Variants in CAMKK1 observed in about 807,000 individuals in gnomAD.
The protein encoded by CAMKK1 is calcium/calmodulin dependent protein kinase kinase 1, also known as calcium/calmodulin-dependent protein kinase kinase 1.
In CAMKK1, 20 loss-of-function variants were observed where a neutral mutation model predicts 63.5. That is an observed-to-expected ratio of 0.32 (90% confidence interval 0.22 to 0.46). The LOEUF (loss-of-function observed/expected upper bound fraction) is 0.46, where lower values mean the gene tolerates loss of function less well. Among genes scored for constraint, CAMKK1 ranks in the 20% least tolerant of loss-of-function variants. CAMKK1 has a pLI of 1.00. For synonymous variants in CAMKK1, 253 were observed against 269.0 expected (o/e 0.94, Z 0.58); for missense variants, 588 against 658.1 (o/e 0.89, Z 1.17).
chr17:3,877,053 C>G (rs2055198127), intron 9 of CAMKK1, among the ~76,000 whole-genome samples: 1 of 152,156 alleles, frequency 6.6e-6, no homozygotes, highest in African/African-American at 2.4e-5. Flanking sequence ...CCACCGCCCC[C>G]AGCTGGGAGC....
chr17:3,877,698 G>A (rs188924860), intron 9 of CAMKK1, among the ~76,000 whole-genome samples: 325 of 152,282 alleles, frequency 2.1e-3, no homozygotes, highest in Non-Finnish European at 2.6e-3. Flanking sequence ...TGCCTACTAT[G>A]TGCCAGGCAC....
intron 15 of CAMKK1, among the ~76,000 whole-genome samples, chr17:3,864,653 C>T (rs2054447193): frequency 6.6e-6 from 1 of 152,182 alleles, no homozygotes; most frequent in Non-Finnish European, 1.5e-5. Context: ...ACAATTCCAG[C>T]ATCAGGGGCC....
In CAMKK1 at chr17:3,892,233, G is replaced by C. The variant is rs2055928621; in HGVS notation, c.-44+706C>G. Among the ~76,000 whole-genome samples, 1 of 151,890 alleles carries C rather than the reference G, an allele frequency of 6.6e-6. No homozygotes were observed. The highest frequency in any genetic ancestry group is 6.6e-5 in the Admixed American group (1 of 15,262). On this transcript the variant is annotated intron_variant, in intron 1 of 15. Coordinates refer to ENST00000348335, the MANE Select transcript of CAMKK1 (RefSeq NM_032294.3). The surrounding 1 kb of genome is among the most constrained non-coding windows in gnomAD (Gnocchi z 7.5). ...CCTCCCCTGACAGGCACACGCCCGTGTCCGCGTGACCCGCCCTCACACACC... is the reference window on the plus strand; with the variant it reads ...CCTCCCCTGACAGGCACACGCCCGTCTCCGCGTGACCCGCCCTCACACACC...
In CAMKK1 at chr17:3,883,370, G is replaced by A; in HGVS notation, c.514+59C>T. The A allele has an allele frequency of 6.5e-7, 1 of 1,545,880 alleles. No individual in the cohort carries two copies. Among genetic ancestry groups the A allele is most frequent in the Non-Finnish European group, 8.9e-7 (1 of 1,118,310 alleles). On this transcript the variant is annotated intron_variant, in intron 5 of 15. Coordinates refer to ENST00000348335, the MANE Select transcript of CAMKK1 (RefSeq NM_032294.3). This position sits in a 1 kb window ranked among gnomAD's most constrained non-coding sequence, Gnocchi z 4.7. ...CTAGCCAAAACTAGCTCAGGATCGA[G>A]GTCTCCTCCTCTGCCTCCAGGCTAG... is the stretch of plus-strand genomic sequence containing the variant.
In CAMKK1 at chr17:3,876,204, C is replaced by T. The variant is rs756426484; in HGVS notation, c.996+19G>A. 2.5e-6 allele frequency: 4 copies of T among 1,610,698 alleles called. No homozygotes were observed. The highest frequency in any genetic ancestry group is 3.4e-6 in the Non-Finnish European group (4 of 1,177,996). ...GCCCCCCACTTGAACCCCAGCCTGGCCCAGGGCCTGCGAGTCACCTTCCCA... is the reference window on the plus strand; with the variant it reads ...GCCCCCCACTTGAACCCCAGCCTGGTCCAGGGCCTGCGAGTCACCTTCCCA... On this transcript the variant is annotated intron_variant, in intron 10 of 15. Coordinates refer to ENST00000348335, the MANE Select transcript of CAMKK1 (RefSeq NM_032294.3).
rs528075086 is a variant in CAMKK1 at position 3,889,849 on chromosome 17, C to T, written c.-44+3090G>A. Among the ~76,000 whole-genome samples the T allele has an allele frequency of 1.3e-5, 2 of 152,246 alleles. No homozygotes were observed. The highest frequency in any genetic ancestry group is 4.1e-4 in the South Asian group (2 of 4,836). On this transcript the variant is annotated intron_variant, in intron 1 of 15. Transcript: ENST00000348335. The surrounding 1 kb of genome is among the most constrained non-coding windows in gnomAD (Gnocchi z 5.2). ...CCACAGGACATGCCCCATCCAGCTGCATCCCTCAAAGGAGCCCCAGAGCAG... is the reference window on the plus strand; with the variant it reads ...CCACAGGACATGCCCCATCCAGCTGTATCCCTCAAAGGAGCCCCAGAGCAG...
chr17:3,871,409 C>T (rs551580338), intron 12 of CAMKK1, among the ~76,000 whole-genome samples: 1 of 125,926 alleles, frequency 7.9e-6, no homozygotes, highest in East Asian at 2.4e-4. Context: ...GGCTGGAGTG[C>T]AGTAGCACGG....
At chr17:3,881,531 C>G (rs931545261) in intron 8 of CAMKK1, 96 bp downstream of exon 8, 1 of 1,248,038 alleles carries the variant, frequency 8.0e-7, no homozygotes, top group African/African-American at 1.5e-5. Flanking sequence ...TCTGACTTCT[C>G]CTAGAGTAGC....
chr17:3,884,434 G>C lies in CAMKK1; in HGVS notation c.361-7C>G. On this transcript the variant is annotated splice_polypyrimidine_tract_variant and splice_region_variant and intron_variant, in intron 2 of 15. Transcript: ENST00000348335. The surrounding 1 kb of genome is among the most constrained non-coding windows in gnomAD (Gnocchi z 4.5). The stretch of plus-strand genomic sequence containing the variant: ...GGTTCAGCTGCACGCAGTCCTGTGG[G>C]GGAAGAGCGAGCACCAGGTGGAGCT... 1.2e-6 allele frequency: 2 copies of C among 1,612,734 alleles called. No homozygotes were observed. Among genetic ancestry groups the C allele is most frequent in the Non-Finnish European group, 1.7e-6 (2 of 1,179,300 alleles).
In CAMKK1 at chr17:3,876,303, G is replaced by C. The variant is rs371028799; in HGVS notation, c.916C>G (p.Gln306Glu). 2.5e-6 allele frequency: 4 copies of C among 1,614,122 alleles called. No homozygotes were observed. The African/African-American group carries it at 5.3e-5, about 22-fold the overall frequency. The change falls in exon 10 of 16, where the codon CAG becomes GAG. Residue 306 changes from glutamine (Q) to glutamate (E), a missense_variant. Physicochemically the swap from Gln to Glu is conservative, Grantham distance 29. This residue lies in a region of CAMKK1 where 357 missense variants were observed against 407.4 expected (regional missense o/e 0.88). Coordinates refer to ENST00000348335, the MANE Select transcript of CAMKK1 (RefSeq NM_032294.3). ...VSNQFEGNDAQLSSTAGTPAF... is the reference protein window; with the variant it reads ...VSNQFEGNDAELSSTAGTPAF... ...GGGGTTCCCGCCGTGCTGGACAGCT[G>C]AGCGTCGTTCCCCTCAAACTGGTTG...
intron 15 of CAMKK1, chr17:3,865,094 T>C (rs1466956605): frequency 6.1e-6 from 6 of 979,134 alleles, no homozygotes; most frequent in Non-Finnish European, 4.9e-6. Context: ...GACCACGCTG[T>C]GGTTCAGGAC....
rs557167245 is a variant in CAMKK1, at chr17:3,886,302, G to A, written c.-43-572C>T. On this transcript the variant is annotated intron_variant, in intron 1 of 15. Coordinates refer to ENST00000348335, the MANE Select transcript of CAMKK1 (RefSeq NM_032294.3). ...CCAGGAAGACTTCCCTGGGGCTCCC[G>A]ACTCCAGCCAGCCCTGCCTCATTGA... Among the ~76,000 whole-genome samples the A allele has an allele frequency of 6.6e-5, 10 of 152,212 alleles. No homozygotes were observed. The South Asian group carries it at 8.3e-4, about 13-fold the overall frequency.
rs1056746621 is a variant in CAMKK1 at position 3,882,674 on chromosome 17, C to A, written c.649-110G>T. 2 of 1,032,042 alleles carry A rather than the reference C, an allele frequency of 1.9e-6. No homozygotes were observed. The highest frequency in any genetic ancestry group is 4.2e-5 in the Admixed American group (2 of 47,556). The allele number at this position is 1,032,042 out of a possible 1,614,324, so 63.9% of individuals were successfully genotyped here. ...AGAACCCTTAGTATGCATGCAACCA[C>A]CCCAGACAAGGAAGCAGGAAGTGTA... is the stretch of plus-strand genomic sequence containing the variant. On this transcript the variant is annotated intron_variant, in intron 6 of 15. Transcript: ENST00000348335. The surrounding 1 kb of genome is among the most constrained non-coding windows in gnomAD (Gnocchi z 4.3).
Position 3,887,665 on chromosome 17 carries a change from G to A in CAMKK1, c.-43-1935C>T, listed in dbSNP as rs1567637885. On this transcript the variant is annotated intron_variant, in intron 1 of 15. Transcript: ENST00000348335. This position sits in a 1 kb window ranked among gnomAD's most constrained non-coding sequence, Gnocchi z 6.1. ...GGAGGTGAGAGAGGACAGAGAGTGG[G>A]GCTGTGGCATAAGGAGGCCTCCCCA... Among the ~76,000 whole-genome samples, 1 of 151,352 alleles carries A rather than the reference G, an allele frequency of 6.6e-6. No individual in the cohort carries two copies. Among genetic ancestry groups the A allele is most frequent in the Non-Finnish European group, 1.5e-5 (1 of 67,742 alleles).
chr17:3,882,621 C>T lies in CAMKK1; in HGVS notation c.649-57G>A. 8.6e-6 allele frequency: 13 copies of T among 1,509,098 alleles called. No homozygotes were observed. Among genetic ancestry groups the T allele is most frequent in the Non-Finnish European group, 1.2e-5 (13 of 1,105,932 alleles). 93.5% of individuals were successfully genotyped at this position (1,509,098 alleles called of 1,614,324 possible). A position where few individuals can be genotyped will look rare whatever the true frequency, so the allele number is the denominator to read the frequency against. On this transcript the variant is annotated intron_variant, in intron 6 of 15. Transcript: ENST00000348335. The surrounding 1 kb of genome is among the most constrained non-coding windows in gnomAD (Gnocchi z 4.3). ...CTTGAGGAGGCGTGGGGTTGGAGGT[C>T]CCAGGCCTCCTGGTCCTTGCCAGCC...
In CAMKK1 at chr17:3,871,341, T is replaced by G. The variant is rs984132834; in HGVS notation, c.1124+1213A>C. Among the ~76,000 whole-genome samples the G allele has an allele frequency of 1.0e-3, 82 of 82,146 alleles. 1 individual carries two copies. The highest frequency in any genetic ancestry group is 1.8e-3 in the Admixed American group (17 of 9,316). The allele number at this position is 82,146 out of a possible 152,430, so 53.9% of individuals were successfully genotyped here. On this transcript the variant is annotated intron_variant, in intron 12 of 15. Transcript: ENST00000348335. ...TTTGTTTGTTGTTTTTTGTTTTTTTTTTTTTGTTTTTTTTTTTTTTTTTTT... is the reference window on the plus strand; with the variant it reads ...TTTGTTTGTTGTTTTTTGTTTTTTTGTTTTTGTTTTTTTTTTTTTTTTTTT...
At position 3,880,365 on chromosome 17, in the gene CAMKK1, G is replaced by A; in HGVS notation, c.777C>T (p.Val259=). 1 of 1,614,032 alleles carries A rather than the reference G, an allele frequency of 6.2e-7. No homozygotes were observed. The highest frequency in any genetic ancestry group is 8.5e-7 in the Non-Finnish European group (1 of 1,179,988). ...ACTCACAGTACTCGAGGCCCAGGAT[G>A]ACGTCCCGCAGGTAGAGGCGAGCTT... The part of the protein sequence containing the change: ...EEQARLYLRD[V]ILGLEYLHCQ... Residue 259 remains valine (V), a synonymous_variant, in exon 9 of 16, where the codon GTC becomes GTT. Coordinates refer to ENST00000348335, the MANE Select transcript of CAMKK1 (RefSeq NM_032294.3).
In CAMKK1 at chr17:3,861,500, T is replaced by A. The variant is rs1241464380; in HGVS notation, c.*711A>T. 6.6e-6 allele frequency: 1 copy of A among 152,550 alleles called. No individual in the cohort carries two copies. Among genetic ancestry groups the A allele is most frequent in the Non-Finnish European group, 1.5e-5 (1 of 68,314 alleles). 9.4% of individuals were successfully genotyped at this position (152,550 alleles called of 1,614,324 possible). On this transcript the variant is annotated 3_prime_UTR_variant, in exon 16 of 16. Transcript: ENST00000348335. ...AGATAACGCCGAATGCGAAACACAGTCCAGGAAAGTTAGTTCCATCCACTT... is the reference window on the plus strand; with the variant it reads ...AGATAACGCCGAATGCGAAACACAGACCAGGAAAGTTAGTTCCATCCACTT...
At position 3,883,767 on chromosome 17, in the gene CAMKK1, C is replaced by T; in HGVS notation, c.462+117G>A. The T allele has an allele frequency of 5.1e-6, 5 of 974,300 alleles. No individual in the cohort carries two copies. The South Asian group carries it at 5.4e-5, about 10-fold the overall frequency. The allele number at this position is 974,300 out of a possible 1,614,324, so 60.4% of individuals were successfully genotyped here. ...TCATTCCTTTGCATACCCCTAGGGA[C>T]AGGGAGCTCACTCTCAGGCAGCCCT... On this transcript the variant is annotated intron_variant, in intron 4 of 15. Coordinates refer to ENST00000348335, the MANE Select transcript of CAMKK1 (RefSeq NM_032294.3). The surrounding 1 kb of genome is among the most constrained non-coding windows in gnomAD (Gnocchi z 4.7).
Sources: gnomAD v4.1 joint callset for allele counts (sites outside exome capture counted in the v4.1 genomes callset) on GRCh38, gnomAD v4.1.1 for gene constraint, gnomAD v4.1.1 regional missense constraint, Gnocchi (gnomAD v3.1) non-coding constraint, MANE v1.5 for transcripts, NCBI Gene and HGNC (gene_info 2026-07-23, HGNC 2026-07-21) for gene names.